The following HPSE2 variants were observed in gnomAD, a reference collection of about 807,000 sequenced individuals.
HPSE2 encodes heparanase 2 (inactive).
In HPSE2, 38 loss-of-function variants were observed where a neutral mutation model predicts 60.5. The observed-to-expected ratio is 0.63, with a 90% confidence interval of 0.48 to 0.82. The LOEUF is 0.82. Among genes scored for constraint, HPSE2 ranks in the 40% least tolerant of loss-of-function variants. The probability of loss-of-function intolerance (pLI) is 0.00; values close to 1 mark genes in which losing one functional copy is unlikely to be tolerated. For missense variants in HPSE2, 713 were observed against 740.4 expected (o/e 0.96, Z 0.43); for synonymous variants, 295 against 293.2 (o/e 1.01, Z -0.06).
At chr10:98,833,668 A>G (rs952764782) in intron 3 of HPSE2, among the ~76,000 whole-genome samples, 2 of 152,208 alleles carry the variant, frequency 1.3e-5, no homozygotes, top group Non-Finnish European at 2.9e-5. Context: ...TTGTAGAGAC[A>G]CTGCTATGTT....
intron 10 of HPSE2, among the ~76,000 whole-genome samples, chr10:98,484,162 C>T (rs535746986): frequency 6.6e-6 from 1 of 152,200 alleles, no homozygotes; most frequent in South Asian, 2.1e-4. Flanking sequence ...TGACCATGTC[C>T]TTTGCCTGCC....
At chr10:98,766,988 C>T (rs1380781593) in intron 3 of HPSE2, among the ~76,000 whole-genome samples, 2 of 152,076 alleles carry the variant, frequency 1.3e-5, no homozygotes, top group East Asian at 1.9e-4. Context: ...ACCATATTAA[C>T]AGACTACATA....
chr10:99,070,153 G>C (rs893691865), intron 3 of HPSE2, among the ~76,000 whole-genome samples: 1 of 152,156 alleles, frequency 6.6e-6, no homozygotes, highest in South Asian at 2.1e-4. Context: ...AACTGCTGCT[G>C]CTTGAAGGAC....
At chr10:98,805,088 A>G (rs117739567) in intron 3 of HPSE2, among the ~76,000 whole-genome samples, 1,546 of 152,202 alleles carry the variant, frequency 0.01, 7 homozygotes, top group East Asian at 0.034. Flanking sequence ...AATCAAAACA[A>G]TTGAACTCAT....
At chr10:99,166,879 G>A (rs1481976113) in intron 2 of HPSE2, among the ~76,000 whole-genome samples, 4 of 150,344 alleles carry the variant, frequency 2.7e-5, no homozygotes, top group Admixed American at 6.6e-5. Flanking sequence ...CTCCTAGTCT[G>A]TGGCTTCACT....
chr10:99,143,250 G>C (rs962717816), intron 3 of HPSE2, among the ~76,000 whole-genome samples: 1 of 152,016 alleles, frequency 6.6e-6, no homozygotes, highest in Non-Finnish European at 1.5e-5. Flanking sequence ...TTTTTCACCA[G>C]GTACAAGATG....
intron 3 of HPSE2, among the ~76,000 whole-genome samples, chr10:98,875,382 G>C (rs762808661): frequency 3.9e-5 from 6 of 152,068 alleles, no homozygotes; most frequent in Non-Finnish European, 8.8e-5. Context: ...ACTACCATCA[G>C]AGAATACTGT....
chr10:98,723,589 G>A (rs1422045079), intron 4 of HPSE2, among the ~76,000 whole-genome samples: 1 of 152,094 alleles, frequency 6.6e-6, no homozygotes, highest in Non-Finnish European at 1.5e-5. Context: ...GAATCCATCT[G>A]GTCCTGGACA....
chr10:98,482,790 C>G lies in HPSE2; in HGVS notation c.1467-8G>C. ...CCACGAACGTAGTTGTGGCTGAGAT[C>G]CAGAGAAAGAGAGAAGTGAAAGATG... On this transcript the variant is annotated splice_region_variant and splice_polypyrimidine_tract_variant and intron_variant, in intron 10 of 11. Transcript: ENST00000370552. 6.2e-7 allele frequency: 1 copy of G among 1,613,866 alleles called. No homozygotes were observed. Among genetic ancestry groups the G allele is most frequent in the Non-Finnish European group, 8.5e-7 (1 of 1,179,870 alleles).
At chr10:98,683,418 A>C (rs752094096) in intron 6 of HPSE2, among the ~76,000 whole-genome samples, 5 of 152,004 alleles carry the variant, frequency 3.3e-5, no homozygotes, top group Non-Finnish European at 7.4e-5. Flanking sequence ...AAAAGAAAAA[A>C]AGAGGAAAGA....
At chr10:98,943,481 C>A (rs191479951) in intron 3 of HPSE2, among the ~76,000 whole-genome samples, 1 of 152,006 alleles carries the variant, frequency 6.6e-6, no homozygotes, top group Non-Finnish European at 1.5e-5. Flanking sequence ...CCCTAATGAT[C>A]CCCACCCCTT....
upstream of HPSE2, among the ~76,000 whole-genome samples, chr10:99,236,627 T>C (rs1028307249): frequency 5.9e-5 from 9 of 152,186 alleles, no homozygotes; most frequent in East Asian, 3.9e-4. Context: ...CTGACCTCCA[T>C]AGGGCAAAGA....
Position 99,144,228 on chromosome 10 carries a change from A to G in HPSE2, c.610+10T>C, listed in dbSNP as rs1373436293. The G allele has an allele frequency of 3.1e-6, 5 of 1,613,332 alleles. No homozygotes were observed. The highest frequency in any genetic ancestry group is 3.3e-5 in the Admixed American group (2 of 60,002). On this transcript the variant is annotated intron_variant, in intron 3 of 11. Coordinates refer to ENST00000370552, the MANE Select transcript of HPSE2 (RefSeq NM_021828.5). ...TGCTCTAAGATTTCAACCAACTCCA[A>G]TAGCCTTACCTGTTAATATGAGATT... is the stretch of plus-strand genomic sequence containing the variant.
chr10:98,606,138 A>G (rs945011182), intron 9 of HPSE2, among the ~76,000 whole-genome samples: 1 of 152,206 alleles, frequency 6.6e-6, no homozygotes, highest in Admixed American at 6.5e-5. Context: ...CCTCCATTTC[A>G]TCAGAATCTA....
chr10:99,222,884 A>G (rs1179716333), intron 2 of HPSE2, among the ~76,000 whole-genome samples: 3 of 152,162 alleles, frequency 2.0e-5, no homozygotes, highest in Non-Finnish European at 4.4e-5. Context: ...GAATATGTTC[A>G]TGGGACTATA....
chr10:98,490,244 G>C (rs1460153297), intron 9 of HPSE2, 48 bp from the exon 10 acceptor site: 1 of 1,561,344 alleles, frequency 6.4e-7, no homozygotes, highest in Non-Finnish European at 8.7e-7. Flanking sequence ...CACATGCTCA[G>C]GTGTTCTGAG....
At chr10:99,004,695 A>C (rs1225978794) in intron 3 of HPSE2, among the ~76,000 whole-genome samples, 2 of 152,188 alleles carry the variant, frequency 1.3e-5, no homozygotes, top group Non-Finnish European at 2.9e-5. Flanking sequence ...TTATAGTATT[A>C]GATAATTCTA....
intron 3 of HPSE2, among the ~76,000 whole-genome samples, chr10:99,062,911 C>CCCTG (rs1434834146): frequency 2.0e-5 from 3 of 152,146 alleles, no homozygotes; most frequent in African/African-American, 7.2e-5. Flanking sequence ...AATGGCTGGT[C>CCCTG]CCTGAGAAGC....
intron 11 of HPSE2, among the ~76,000 whole-genome samples, chr10:98,465,566 C>T (rs1461000829): frequency 1.3e-5 from 2 of 152,212 alleles, no homozygotes; most frequent in African/African-American, 4.8e-5. Flanking sequence ...GTGGTCTGGG[C>T]AAGGTCATGT....
Sources: gnomAD v4.1 joint callset for allele counts (sites outside exome capture counted in the v4.1 genomes callset) on GRCh38, gnomAD v4.1.1 for gene constraint, MANE v1.5 for transcripts, NCBI Gene and HGNC (gene_info 2026-07-23, HGNC 2026-07-21) for gene names.